The following GATAD2A variants were observed in gnomAD, a reference collection of about 807,000 sequenced individuals.
GATAD2A encodes the protein GATA zinc finger domain containing 2A.
Under a neutral mutation model 68.5 loss-of-function variants are expected in GATAD2A, and 12 were observed. The observed-to-expected ratio is 0.18, with a 90% CI of 0.11 to 0.28. The LOEUF (loss-of-function observed/expected upper bound fraction) is 0.28, where lower values mean the gene tolerates loss of function less well. Among genes scored for constraint, GATAD2A ranks in the 10% least tolerant of loss-of-function variants. The probability of loss-of-function intolerance (pLI) is 1.00; values close to 1 mark genes in which losing one functional copy is unlikely to be tolerated. For missense variants in GATAD2A, 755 were observed against 868.5 expected (o/e 0.87, Z 1.64); for synonymous variants, 410 against 375.3 (o/e 1.09, Z -1.07).
chr19:19,422,635 T>C (rs1377524685), intron 1 of GATAD2A, among the ~76,000 whole-genome samples: 1 of 152,212 alleles, frequency 6.6e-6, no homozygotes, highest in East Asian at 1.9e-4. Flanking sequence ...ATCATACTTT[T>C]ATTGTCTGAT....
At chr19:19,471,640 C>G (rs1337175627) in intron 2 of GATAD2A, among the ~76,000 whole-genome samples, 1 of 152,138 alleles carries the variant, frequency 6.6e-6, no homozygotes, top group East Asian at 1.9e-4. Flanking sequence ...GGTACTCTTA[C>G]GGTGGCTGAA....
intron 1 of GATAD2A, among the ~76,000 whole-genome samples, chr19:19,430,323 G>T (rs1195934348): frequency 6.6e-6 from 1 of 152,140 alleles, no homozygotes; most frequent in Non-Finnish European, 1.5e-5. Flanking sequence ...CCTTGCTTCA[G>T]TTTTTTCTTT....
At chr19:19,460,497 AGAGGTGCCCT>A (rs1183012321) in intron 1 of GATAD2A, among the ~76,000 whole-genome samples, 3 of 152,264 alleles carry the variant, frequency 2.0e-5, no homozygotes, top group East Asian at 1.9e-4. Context: ...CCTGATAGGA[AGAGGTGCCCT>A]GAGGTGCCCT....
rs556534493 is a variant in GATAD2A, at chr19:19,459,211, C to T, written c.-6-6129C>T. ...TTTGAATACAGGACTGATTCATAGT[C>T]ACTGTTAAAGAATTCAAGCAATACA... On this transcript the variant is annotated intron_variant, in intron 1 of 11. Coordinates refer to ENST00000683918, the MANE Select transcript of GATAD2A (RefSeq NM_001384528.1). 2.0e-5 allele frequency among the ~76,000 whole-genome samples: 3 copies of T among 152,204 alleles called. No homozygotes were observed. The South Asian group carries it at 6.2e-4, about 32-fold the overall frequency.
chr19:19,481,365 C>A (rs2059045588), intron 2 of GATAD2A, among the ~76,000 whole-genome samples: 1 of 152,218 alleles, frequency 6.6e-6, no homozygotes, highest in Non-Finnish European at 1.5e-5. Context: ...GGGTCTTGCT[C>A]TGTCTCCCAA....
chr19:19,484,518 C>CTTTTTTTTTTTTCT (rs2059278742), intron 2 of GATAD2A, among the ~76,000 whole-genome samples: 44 of 114,462 alleles, frequency 3.8e-4, no homozygotes, highest in Non-Finnish European at 6.1e-4. Flanking sequence ...TTTTCTTTTT[C>CTTTTTTTTTTTTCT]TTTTTTTTTT....
At chr19:19,417,792 G>A (rs946844329) in intron 1 of GATAD2A, among the ~76,000 whole-genome samples, 5 of 152,196 alleles carry the variant, frequency 3.3e-5, no homozygotes, top group African/African-American at 9.7e-5. Flanking sequence ...GCAGGGACAG[G>A]TGCCAGAGAC....
chr19:19,494,935 C>T (rs550900766), intron 5 of GATAD2A, among the ~76,000 whole-genome samples: 3 of 152,342 alleles, frequency 2.0e-5, no homozygotes, highest in African/African-American at 4.8e-5. Context: ...GGTGGAGTCA[C>T]TATTCCTTGT....
At chr19:19,409,408 T>C (rs2050663255) in intron 1 of GATAD2A, among the ~76,000 whole-genome samples, 1 of 152,308 alleles carries the variant, frequency 6.6e-6, no homozygotes, top group East Asian at 1.9e-4. Context: ...TCCTAACCCT[T>C]GTCTGGTTGG....
intron 1 of GATAD2A, among the ~76,000 whole-genome samples, chr19:19,426,456 A>G (rs1370633383): frequency 6.6e-6 from 1 of 152,138 alleles, no homozygotes; most frequent in Non-Finnish European, 1.5e-5. Flanking sequence ...TCTATGACAT[A>G]ATGTGTGGCC....
rs572449099 is a variant in GATAD2A at position 19,454,291 on chromosome 19, C to T, written c.-6-11049C>T. ...GATTACAGGCATGAGCCACCACACCCGGCTTAAAAAATTTTTATCAGAAGG... is the reference window on the plus strand; with the variant it reads ...GATTACAGGCATGAGCCACCACACCTGGCTTAAAAAATTTTTATCAGAAGG... On this transcript the variant is annotated intron_variant, in intron 1 of 11. Transcript: ENST00000683918. 1.3e-4 allele frequency among the ~76,000 whole-genome samples: 20 copies of T among 150,594 alleles called. No individual in the cohort carries two copies. In the East Asian group the frequency reaches 2.7e-3, roughly 20 times the overall value.
At chr19:19,404,902 A>G (rs2050050931), upstream of GATAD2A, among the ~76,000 whole-genome samples, 1 of 152,148 alleles carries the variant, frequency 6.6e-6, no homozygotes, top group South Asian at 2.1e-4. Flanking sequence ...TGGTATTGAG[A>G]GCCTTCTTGT....
intron 1 of GATAD2A, among the ~76,000 whole-genome samples, chr19:19,459,091 C>T (rs1186639577): frequency 1.3e-5 from 2 of 152,164 alleles, no homozygotes; most frequent in African/African-American, 4.8e-5. Flanking sequence ...CAGGCATGTG[C>T]CACTGTGCCT....
At chr19:19,456,057 G>A (rs2056893875) in intron 1 of GATAD2A, among the ~76,000 whole-genome samples, 1 of 151,702 alleles carries the variant, frequency 6.6e-6, no homozygotes, top group Non-Finnish European at 1.5e-5. Context: ...GGGAGGCTGA[G>A]GCAGGAGAAT....
chr19:19,390,391 C>T (rs2048760197), intron 1 of GATAD2A, among the ~76,000 whole-genome samples: 1 of 151,992 alleles, frequency 6.6e-6, no homozygotes, highest in Admixed American at 6.6e-5. Flanking sequence ...GTATTCCTGG[C>T]CTGGACTCAC....
intron 2 of GATAD2A, among the ~76,000 whole-genome samples, chr19:19,468,159 A>G (rs2058020100): frequency 6.6e-6 from 1 of 152,274 alleles, no homozygotes; most frequent in Admixed American, 6.5e-5. Context: ...GTGAGACTGT[A>G]TGGCATTTGG....
intron 2 of GATAD2A, among the ~76,000 whole-genome samples, chr19:19,470,103 C>T (rs755318545): frequency 2.0e-5 from 3 of 150,880 alleles, no homozygotes; most frequent in Non-Finnish European, 4.4e-5. Flanking sequence ...ATAAAAGACA[C>T]TTTAAGACCA....
chr19:19,414,040 C>T (rs1286040435), intron 1 of GATAD2A, among the ~76,000 whole-genome samples: 16 of 152,024 alleles, frequency 1.1e-4, no homozygotes, highest in Admixed American at 9.8e-4. Flanking sequence ...GTACAAGCAA[C>T]ATTTCCTGAT....
rs56353005 is a variant in GATAD2A at position 19,414,837 on chromosome 19, CT to C, written c.-7+8841del. Among the ~76,000 whole-genome samples the C allele has an allele frequency of 7.9e-3, 594 of 74,756 alleles. 3 individuals carry two copies. The highest frequency in any genetic ancestry group is 0.013 in the East Asian group (42 of 3,234). 49.0% of individuals were successfully genotyped at this position (74,756 alleles called of 152,430 possible). A position where few individuals can be genotyped will look rare whatever the true frequency, so the allele number is the denominator to read the frequency against. ...GGTGTGAGCCACCACACCCTGCCCC[CT>C]TTTTTTTTTTTTTTTTTTTTTTGAG... is the stretch of plus-strand genomic sequence containing the variant. On this transcript the variant is annotated intron_variant, in intron 1 of 11. Transcript: ENST00000683918.
Sources: allele counts gnomAD v4.1 joint callset (sites outside exome capture counted in the v4.1 genomes callset), GRCh38; gene constraint gnomAD v4.1.1; transcripts MANE v1.5; gene names NCBI Gene and HGNC (gene_info 2026-07-23, HGNC 2026-07-21).